The following OTOGL variants were observed in gnomAD, a reference collection of about 807,000 sequenced individuals.
The protein encoded by OTOGL is otogelin-like protein.
Under a neutral mutation model 318.5 loss-of-function variants are expected in OTOGL, and 285 were observed. That is an observed-to-expected ratio of 0.89 (90% CI 0.81 to 0.99). The LOEUF (loss-of-function observed/expected upper bound fraction) is 0.99. OTOGL is among the 50% of genes least tolerant of loss of function. The probability of loss-of-function intolerance (pLI) is 0.00; values close to 1 mark genes in which losing one functional copy is unlikely to be tolerated. For missense variants in OTOGL, 2,899 were observed against 2,845.6 expected, an observed-to-expected ratio of 1.02 and a Z score of -0.43; for synonymous variants, 987 against 936.5, an observed-to-expected ratio of 1.05 and a Z score of -0.99.
In OTOGL at chr12:80,278,247, G is replaced by A. The variant is rs913038305; in HGVS notation, c.2761G>A (p.Glu921Lys). 31 of 1,545,146 alleles carry A rather than the reference G, an allele frequency of 2.0e-5. No individual in the cohort carries two copies. In the African/African-American group the frequency reaches 4.0e-4, roughly 20 times the overall value. Residue 921 changes from glutamate (E) to lysine (K), a missense_variant, in exon 25 of 59, where the codon GAA becomes AAA. By Grantham distance (56) the Glu-to-Lys change is moderately conservative (BLOSUM62 1). This residue lies in a region of OTOGL where 2,607 missense variants were observed against 2,524.9 expected (regional missense o/e 1.03). Coordinates refer to ENST00000547103, the MANE Select transcript of OTOGL (RefSeq NM_001378609.3). ...GAAAGATTGGGAGTATCTCTCAGGA[G>A]AAGTGATTGCTACACCGTGTTACAC... ...IWKDWEYLSGEVIATPCYTCV... is the reference protein window; with the variant it reads ...IWKDWEYLSGKVIATPCYTCV...
In OTOGL at chr12:80,328,756, C is replaced by T. The variant is rs200115208; in HGVS notation, c.4279+12C>T. 1,727 of 1,574,412 alleles carry T rather than the reference C, an allele frequency of 1.1e-3. 20 individuals are homozygous for T. The South Asian group carries it at 0.011, about 10-fold the overall frequency. ...TTATCCACGAGACTGTAAGTGTGAA[C>T]GTTGCTTAATTTACTCTGAAAAATT... On this transcript the variant is annotated intron_variant, in intron 36 of 58. Coordinates refer to ENST00000547103, the MANE Select transcript of OTOGL (RefSeq NM_001378609.3).
intron 1 of OTOGL, among the ~76,000 whole-genome samples, chr12:80,201,843 G>A (rs1482261852): frequency 6.6e-6 from 1 of 152,154 alleles, no homozygotes; most frequent in Non-Finnish European, 1.5e-5. Flanking sequence ...GTATAATAAA[G>A]GTACCTAGAA....
chr12:80,157,735 T>G (rs544173923), intron 1 of OTOGL, among the ~76,000 whole-genome samples: 6 of 152,182 alleles, frequency 3.9e-5, no homozygotes, highest in Non-Finnish European at 7.3e-5. Context: ...CAGTTCGCTG[T>G]AGGTGTGTGG....
intron 1 of OTOGL, among the ~76,000 whole-genome samples, chr12:80,156,515 A>G (rs1342628857): frequency 6.6e-6 from 1 of 152,198 alleles, no homozygotes; most frequent in Non-Finnish European, 1.5e-5. Context: ...CGTCCCCCAT[A>G]CAGGTCTCAT....
rs192015487 is a variant in OTOGL, at chr12:80,250,744, A to G, written c.1053-949A>G. Among the ~76,000 whole-genome samples the G allele has an allele frequency of 3.3e-3, 502 of 152,324 alleles. 3 individuals are homozygous for G. Among genetic ancestry groups the G allele is most frequent in the South Asian group, 5.8e-3 (28 of 4,826 alleles). On this transcript the variant is annotated intron_variant, in intron 11 of 58. Coordinates refer to ENST00000547103, the MANE Select transcript of OTOGL (RefSeq NM_001378609.3). ...TTACAATAGTGACACTGAAAATGTT[A>G]AGCCTCACAAAATGCAGCATTCTTA...
At chr12:80,300,352 C>T (rs1047993166) in intron 27 of OTOGL, among the ~76,000 whole-genome samples, 2 of 152,030 alleles carry the variant, frequency 1.3e-5, no homozygotes, top group African/African-American at 4.8e-5. Flanking sequence ...AAGTCCAACT[C>T]ATCCTGCCTG....
At chr12:80,104,270 C>T (rs1869318687) in intron 1 of OTOGL, among the ~76,000 whole-genome samples, 1 of 152,216 alleles carries the variant, frequency 6.6e-6, no homozygotes, top group Admixed American at 6.5e-5. Context: ...ACATCCCAAT[C>T]TCACATCTCT....
chr12:80,377,241 A>G, intron 58 of OTOGL, 39 bp downstream of exon 58: 2 of 1,472,218 alleles, frequency 1.4e-6, no homozygotes, highest in Non-Finnish European at 1.9e-6. Flanking sequence ...AAATGCACAC[A>G]TCTTTTTAGA....
intron 56 of OTOGL, among the ~76,000 whole-genome samples, chr12:80,371,402 C>T (rs747496620): frequency 7.2e-5 from 11 of 151,838 alleles, no homozygotes; most frequent in Non-Finnish European, 1.3e-4. Context: ...AGATATAACA[C>T]GTACTAAAGT....
chr12:80,165,355 G>T (rs1050013567), intron 1 of OTOGL, among the ~76,000 whole-genome samples: 2 of 152,142 alleles, frequency 1.3e-5, no homozygotes, highest in African/African-American at 4.8e-5. Context: ...CATTTATCAT[G>T]GGCCAACTAT....
intron 32 of OTOGL, among the ~76,000 whole-genome samples, chr12:80,317,607 A>G (rs1158955644): frequency 6.6e-6 from 1 of 152,106 alleles, no homozygotes; most frequent in African/African-American, 2.4e-5. Flanking sequence ...TATTATTTGT[A>G]TATTATTCAC....
chr12:80,206,316 G>A (rs949305833), intron 1 of OTOGL, among the ~76,000 whole-genome samples: 2 of 152,072 alleles, frequency 1.3e-5, no homozygotes, highest in African/African-American at 2.4e-5. Flanking sequence ...CATATATCGA[G>A]TTCATAATGT....
intron 37 of OTOGL, among the ~76,000 whole-genome samples, chr12:80,330,747 A>G (rs1170902047): frequency 6.6e-6 from 1 of 152,234 alleles, no homozygotes; most frequent in African/African-American, 2.4e-5. Flanking sequence ...GATCTACTGA[A>G]ACCTATTAGC....
intron 7 of OTOGL, among the ~76,000 whole-genome samples, chr12:80,225,613 G>T (rs1234540474): frequency 6.6e-6 from 1 of 151,934 alleles, no homozygotes; most frequent in Non-Finnish European, 1.5e-5. Context: ...TCAACATTTT[G>T]CTCTGAATTT....
intron 1 of OTOGL, among the ~76,000 whole-genome samples, chr12:80,124,828 G>A (rs1313707293): frequency 4.6e-5 from 7 of 152,116 alleles, no homozygotes; most frequent in Non-Finnish European, 8.8e-5. Flanking sequence ...CTCATGATTT[G>A]GCTCTCTGTT....
intron 1 of OTOGL, among the ~76,000 whole-genome samples, chr12:80,116,505 C>T (rs1386554315): frequency 6.6e-6 from 1 of 152,080 alleles, no homozygotes; most frequent in African/African-American, 2.4e-5. Flanking sequence ...AGCCATCTTG[C>T]CCCAGTCATC....
intron 1 of OTOGL, among the ~76,000 whole-genome samples, chr12:80,195,878 A>G (rs2137272598): frequency 6.6e-6 from 1 of 152,300 alleles, no homozygotes; most frequent in Middle Eastern, 3.4e-3. Context: ...CCCTTTCCCC[A>G]GTGGAGGTTG....
intron 52 of OTOGL, 44 bp from the exon 53 acceptor site, chr12:80,366,529 AT>A: frequency 2.8e-6 from 1 of 352,810 alleles, no homozygotes. Flanking sequence ...ATATATATAT[AT>A]AAAATAAGCT....
intron 1 of OTOGL, among the ~76,000 whole-genome samples, chr12:80,109,649 A>AT (rs1177054243): frequency 6.6e-6 from 1 of 152,180 alleles, no homozygotes; most frequent in African/African-American, 2.4e-5. Flanking sequence ...TCTTCAATTT[A>AT]TTTCATTATT....
Sources: gnomAD v4.1 joint callset for allele counts (sites outside exome capture counted in the v4.1 genomes callset) on GRCh38, gnomAD v4.1.1 for gene constraint, gnomAD v4.1.1 regional missense constraint, MANE v1.5 for transcripts, NCBI Gene and HGNC (gene_info 2026-07-23, HGNC 2026-07-21) for gene names.